PAM: variants seen among roughly 807,000 people sequenced by gnomAD.
PAM encodes the protein peptidyl-glycine alpha-amidating monooxygenase.
Under a neutral mutation model 122.1 loss-of-function variants are expected in PAM, and 72 were observed. The ratio of observed to expected loss-of-function variants is 0.59; its 90% CI spans 0.49 to 0.72. The LOEUF (loss-of-function observed/expected upper bound fraction) is 0.72. PAM is among the 30% of genes least tolerant of loss of function. PAM has a pLI of 0.00. For synonymous variants in PAM, 389 were observed against 404.4 expected, an observed-to-expected ratio of 0.96 and a Z score of 0.46; for missense variants, 1,106 against 1,183.7, an observed-to-expected ratio of 0.93 and a Z score of 0.96.
chr5:103,016,287 A>T (rs1429919736), intron 21 of PAM, among the ~76,000 whole-genome samples: 1 of 152,172 alleles, frequency 6.6e-6, no homozygotes, highest in African/African-American at 2.4e-5. Context: ...CCCCGCCTAA[A>T]CTGAGCTAGG....
At chr5:103,010,650 A>G (rs1421338248) in intron 21 of PAM, among the ~76,000 whole-genome samples, 3 of 152,200 alleles carry the variant, frequency 2.0e-5, no homozygotes, top group Admixed American at 6.5e-5. Flanking sequence ...TCAAAATACA[A>G]CTATCATCAG....
intron 1 of PAM, among the ~76,000 whole-genome samples, chr5:102,824,287 G>A (rs77195230): frequency 0.026 from 3,926 of 152,218 alleles, 92 homozygotes; most frequent in East Asian, 0.12. Context: ...AGGGTTCTGC[G>A]AACATTTCTA....
chr5:102,768,148 C>T (rs1047677304), intron 1 of PAM, among the ~76,000 whole-genome samples: 1 of 152,098 alleles, frequency 6.6e-6, no homozygotes, highest in Non-Finnish European at 1.5e-5. Context: ...TTACCATTAA[C>T]ATTTTCCACT....
intron 1 of PAM, among the ~76,000 whole-genome samples, chr5:102,842,205 A>AATATAG (rs1554082280): frequency 5.6e-5 from 8 of 143,040 alleles, no homozygotes; most frequent in African/African-American, 2.1e-4. Flanking sequence ...ATACAACCTA[A>AATATAG]ATATATATAT....
rs552041810 is a variant in PAM at position 102,901,380 on chromosome 5, A to T, written c.235A>T (p.Met79Leu). 19 of 1,590,750 alleles carry T rather than the reference A, an allele frequency of 1.2e-5. No homozygotes were observed. The East Asian group carries it at 4.0e-4, about 34-fold the overall frequency. ...KQSDTYFCMS[M>L]RIPVDEEAFV... is the part of the protein sequence containing the mutation. ...GTCCGATACATACTTCTGCATGTCT[A>T]TGCGAATACCAGTGGATGAGGAAGC... Residue 79 changes from methionine to leucine, a missense_variant, in exon 4 of 26, where the codon ATG becomes TTG. By Grantham distance (15) the Met-to-Leu change is conservative (BLOSUM62 2). This residue lies in a region of PAM where 670 missense variants were observed against 690.3 expected (regional missense o/e 0.97). Coordinates refer to ENST00000438793, the MANE Select transcript of PAM (RefSeq NM_001177306.2).
chr5:102,991,740 C>CA (rs1201473516), intron 16 of PAM, among the ~76,000 whole-genome samples: 6 of 152,248 alleles, frequency 3.9e-5, no homozygotes, highest in Non-Finnish European at 7.4e-5. Flanking sequence ...TAATCAAACT[C>CA]AACATTCTCA....
chr5:102,977,424 T>C (rs1234020574), intron 15 of PAM, among the ~76,000 whole-genome samples: 2 of 152,196 alleles, frequency 1.3e-5, no homozygotes, highest in Non-Finnish European at 2.9e-5. Context: ...CTGTGTCTTA[T>C]TGTATCTCTA....
chr5:102,942,424 T>C (rs371435244), intron 7 of PAM, among the ~76,000 whole-genome samples: 1 of 152,056 alleles, frequency 6.6e-6, no homozygotes, highest in South Asian at 2.1e-4. Context: ...GCAAAGTCAT[T>C]TGCATTTAGT....
At chr5:102,885,725 A>C (rs1792850822) in intron 3 of PAM, among the ~76,000 whole-genome samples, 1 of 151,912 alleles carries the variant, frequency 6.6e-6, no homozygotes, top group South Asian at 2.1e-4. Context: ...CATTTCTTTA[A>C]CTCTGCCAGA....
At chr5:102,905,213 C>T (rs750778589) in intron 4 of PAM, among the ~76,000 whole-genome samples, 8 of 151,484 alleles carry the variant, frequency 5.3e-5, no homozygotes, top group South Asian at 2.1e-4. Flanking sequence ...AGACACTCAG[C>T]GGAATTGGCT....
chr5:102,925,187 G>T, intron 6 of PAM, 145 bp downstream of exon 6: 1 of 609,928 alleles, frequency 1.6e-6, no homozygotes, highest in Non-Finnish European at 3.0e-6. Context: ...TACCTCTTTT[G>T]TATTGAAAAG....
At chr5:102,833,883 A>G (rs974799723) in intron 1 of PAM, among the ~76,000 whole-genome samples, 1 of 152,198 alleles carries the variant, frequency 6.6e-6, no homozygotes, top group Non-Finnish European at 1.5e-5. Flanking sequence ...ATAAGCTGTT[A>G]TAGTGTAATG....
At chr5:102,790,041 T>C (rs932671962) in intron 1 of PAM, among the ~76,000 whole-genome samples, 1 of 152,076 alleles carries the variant, frequency 6.6e-6, no homozygotes, top group African/African-American at 2.4e-5. Flanking sequence ...ATTTCAGTAC[T>C]TCACATAATT....
intron 5 of PAM, among the ~76,000 whole-genome samples, chr5:102,922,031 A>G (rs932131447): frequency 6.6e-6 from 1 of 152,056 alleles, no homozygotes. Context: ...TTTTAATCTA[A>G]TTTTTTTCAA....
intron 16 of PAM, among the ~76,000 whole-genome samples, chr5:102,998,095 A>G (rs573312178): frequency 2.6e-5 from 4 of 152,218 alleles, no homozygotes; most frequent in Non-Finnish European, 4.4e-5. Flanking sequence ...CCTATAAGAA[A>G]TGCTTTAAGT....
chr5:102,969,108 G>C (rs1765015550), intron 14 of PAM, among the ~76,000 whole-genome samples: 2 of 152,032 alleles, frequency 1.3e-5, no homozygotes, highest in South Asian at 4.2e-4. Flanking sequence ...GGCTAGGGGA[G>C]GGATAGCATT....
chr5:102,835,493 T>G (rs1776765193), intron 1 of PAM, among the ~76,000 whole-genome samples: 2 of 152,104 alleles, frequency 1.3e-5, no homozygotes, highest in African/African-American at 4.8e-5. Flanking sequence ...CCTTTTAAAT[T>G]CACCTTTTCT....
At chr5:103,007,110 C>G (rs150989910) in intron 19 of PAM, 99 bp downstream of exon 19, 2 of 882,900 alleles carry the variant, frequency 2.3e-6, no homozygotes, top group Non-Finnish European at 3.5e-6. Flanking sequence ...CTGTAATTGT[C>G]CCCTACAGGG....
intron 4 of PAM, among the ~76,000 whole-genome samples, chr5:102,912,647 C>A (rs760801338): frequency 1.3e-5 from 2 of 151,964 alleles, no homozygotes; most frequent in African/African-American, 2.4e-5. Flanking sequence ...GGCTGTAACT[C>A]CCAAGTGATT....
Sources: gnomAD v4.1 joint callset for allele counts (sites outside exome capture counted in the v4.1 genomes callset) on GRCh38, gnomAD v4.1.1 for gene constraint, gnomAD v4.1.1 regional missense constraint, MANE v1.5 for transcripts, NCBI Gene and HGNC (gene_info 2026-07-23, HGNC 2026-07-21) for gene names.